SLC1A3: variants seen among roughly 807,000 people sequenced by gnomAD.
SLC1A3 encodes the protein excitatory amino acid transporter 1.
Under a neutral mutation model 48.1 loss-of-function variants are expected in SLC1A3, and 21 were observed. The observed-to-expected ratio is 0.44, with a 90% confidence interval of 0.31 to 0.63. The LOEUF (loss-of-function observed/expected upper bound fraction) is 0.63, where lower values mean the gene tolerates loss of function less well. SLC1A3 is among the 20% of genes least tolerant of loss of function. The pLI is 0.08. For synonymous variants in SLC1A3, 239 were observed against 251.4 expected (o/e 0.95, Z 0.47); for missense variants, 546 against 689.0 (o/e 0.79, Z 2.32).
At chr5:36,625,778 G>A (rs1476059654) in intron 2 of SLC1A3, among the ~76,000 whole-genome samples, 1 of 152,138 alleles carries the variant, frequency 6.6e-6, no homozygotes, top group Non-Finnish European at 1.5e-5. Context: ...GAGAAGAGAT[G>A]TCCTACTTTA....
intron 5 of SLC1A3, among the ~76,000 whole-genome samples, chr5:36,675,965 C>G (rs1314545368): frequency 6.6e-6 from 1 of 152,180 alleles, no homozygotes; most frequent in African/African-American, 2.4e-5. Context: ...CCTACAATCA[C>G]CATCAAGATC....
intron 3 of SLC1A3, chr5:36,636,330 A>G (rs1159624940): frequency 6.6e-6 from 1 of 152,170 alleles, no homozygotes; most frequent in Non-Finnish European, 1.5e-5. Context: ...TATCATCTCA[A>G]TGAAGGAACA....
At chr5:36,604,141 C>T (rs1488470459), upstream of SLC1A3, among the ~76,000 whole-genome samples, 1 of 152,120 alleles carries the variant, frequency 6.6e-6, no homozygotes, top group Non-Finnish European at 1.5e-5. Flanking sequence ...ACAATGTTCA[C>T]AGAAAGATCT....
chr5:36,655,890 G>A (rs1049295347), intron 3 of SLC1A3, among the ~76,000 whole-genome samples: 7 of 152,182 alleles, frequency 4.6e-5, no homozygotes, highest in Admixed American at 1.3e-4. Context: ...AGTTTCCATT[G>A]CATTAAGATG....
At chr5:36,599,283 C>T (rs2562573) in intron 1 of SLC1A3, among the ~76,000 whole-genome samples, 82,600 of 151,964 alleles carry the variant, frequency 0.54, 22,900 homozygotes, top group East Asian at 0.71. Context: ...GGAGTGCCAA[C>T]TCTAGACTCT....
chr5:36,679,818 G>T lies in SLC1A3; in HGVS notation c.1052G>T (p.Gly351Val). 3 of 1,614,100 alleles carry T rather than the reference G, an allele frequency of 1.9e-6. No individual in the cohort carries two copies. The highest frequency in any genetic ancestry group is 2.2e-5 in the South Asian group (2 of 91,082). ...TRKNPWVFIG[G>V]LLQALITALG... Reference sequence around the variant, plus strand: ...AAAAACCCTTGGGTTTTTATTGGAGGGTTGCTGCAAGCACTCATCACCGCT... The same window carrying T: ...AAAAACCCTTGGGTTTTTATTGGAGTGTTGCTGCAAGCACTCATCACCGCT... The change falls in exon 7 of 10, where the codon GGG becomes GTG. Residue 351 changes from glycine to valine, a missense_variant. This residue lies in a region of SLC1A3 where 142 missense variants were observed against 238.0 expected (regional missense o/e 0.60). Transcript: ENST00000265113.
intron 3 of SLC1A3, among the ~76,000 whole-genome samples, chr5:36,665,327 C>T (rs1741696141): frequency 6.6e-6 from 1 of 152,038 alleles, no homozygotes. Context: ...TGTGCAGACA[C>T]TATGCTAGGC....
At chr5:36,598,854 C>T (rs1738773466) in intron 1 of SLC1A3, among the ~76,000 whole-genome samples, 1 of 152,132 alleles carries the variant, frequency 6.6e-6, no homozygotes, top group Non-Finnish European at 1.5e-5. Flanking sequence ...TCTCAAACTC[C>T]TGCACTCAAG....
intron 2 of SLC1A3, among the ~76,000 whole-genome samples, chr5:36,624,436 C>T (rs1465571109): frequency 2.6e-5 from 4 of 152,190 alleles, no homozygotes; most frequent in Non-Finnish European, 2.9e-5. Flanking sequence ...TAGGTGAGCA[C>T]GTAACCCCTC....
intron 3 of SLC1A3, among the ~76,000 whole-genome samples, chr5:36,640,744 C>A (rs1409543845): frequency 6.6e-6 from 1 of 152,082 alleles, no homozygotes; most frequent in African/African-American, 2.4e-5. Context: ...CAAGACTTGT[C>A]AGTACTGTTA....
chr5:36,639,763 A>G (rs1740537822), intron 3 of SLC1A3, among the ~76,000 whole-genome samples: 1 of 152,226 alleles, frequency 6.6e-6, no homozygotes, highest in African/African-American at 2.4e-5. Flanking sequence ...TGGTGCATGA[A>G]TGCTTACTAT....
At chr5:36,631,807 A>G (rs1434238789) in intron 3 of SLC1A3, among the ~76,000 whole-genome samples, 1 of 152,260 alleles carries the variant, frequency 6.6e-6, no homozygotes, top group African/African-American at 2.4e-5. Context: ...GGTTTTGAAT[A>G]CAATAATTCT....
chr5:36,661,066 A>G (rs1399412953), intron 3 of SLC1A3, among the ~76,000 whole-genome samples: 2 of 152,206 alleles, frequency 1.3e-5, no homozygotes, highest in Non-Finnish European at 2.9e-5. Context: ...GTGGACCTGA[A>G]TTTTTTAAAT....
rs191670534 is a variant in SLC1A3, at chr5:36,646,626, A to C, written c.319+17039A>C. The stretch of plus-strand genomic sequence containing the variant: ...CCATTTTGATGAAGGCTTGCAGTCA[A>C]GGTCCTCAGTGTGTGTTAGAGAGGC... On this transcript the variant is annotated intron_variant, in intron 3 of 9. Transcript: ENST00000265113. 1.7e-3 allele frequency among the ~76,000 whole-genome samples: 263 copies of C among 152,298 alleles called. 5 individuals are homozygous for C. Among genetic ancestry groups the C allele is most frequent in the Admixed American group, 0.012 (190 of 15,304 alleles).
At chr5:36,632,148 A>G (rs757766492) in intron 3 of SLC1A3, among the ~76,000 whole-genome samples, 1 of 151,468 alleles carries the variant, frequency 6.6e-6, no homozygotes, top group African/African-American at 2.5e-5. Flanking sequence ...GAGGGACCCA[A>G]CTACAGAATA....
intron 1 of SLC1A3, among the ~76,000 whole-genome samples, chr5:36,599,027 G>T (rs1006074349): frequency 6.6e-6 from 1 of 152,108 alleles, no homozygotes; most frequent in African/African-American, 2.4e-5. Context: ...TTTACATTTT[G>T]GGGGTACTAA....
intron 3 of SLC1A3, among the ~76,000 whole-genome samples, chr5:36,631,898 T>G (rs913704851): frequency 9.9e-5 from 15 of 152,200 alleles, no homozygotes; most frequent in African/African-American, 3.6e-4. Context: ...AGGATCCCTG[T>G]GTATACTGGG....
chr5:36,633,168 T>G (rs1740202486), intron 3 of SLC1A3, among the ~76,000 whole-genome samples: 1 of 152,250 alleles, frequency 6.6e-6, no homozygotes, highest in African/African-American at 2.4e-5. Context: ...AAATGTCACA[T>G]CTGGTTGTGC....
At chr5:36,609,333 C>T in intron 2 of SLC1A3, 2 of 848,816 alleles carry the variant, frequency 2.4e-6, no homozygotes, top group Non-Finnish European at 2.8e-6. Flanking sequence ...GGCATTGATC[C>T]TACTTTAAAA....
Sources: gnomAD v4.1 joint callset for allele counts (sites outside exome capture counted in the v4.1 genomes callset) on GRCh38, gnomAD v4.1.1 for gene constraint, gnomAD v4.1.1 regional missense constraint, MANE v1.5 for transcripts, NCBI Gene and HGNC (gene_info 2026-07-23, HGNC 2026-07-21) for gene names.